GLIS3: variants seen among roughly 807,000 people sequenced by gnomAD.
GLIS3 encodes the protein GLIS family zinc finger 3, also known as zinc finger protein GLIS3.
In GLIS3, 53 loss-of-function variants were observed where a neutral mutation model predicts 78.6. The observed-to-expected ratio is 0.67, with a 90% CI of 0.54 to 0.85. The LOEUF is 0.85. Among genes scored for constraint, GLIS3 ranks in the 40% least tolerant of loss-of-function variants. The pLI is 0.00. For synonymous variants in GLIS3, 684 were observed against 509.9 expected (o/e 1.34, Z -4.60); for missense variants, 1,703 against 1,231.1 (o/e 1.38, Z -5.74).
At chr9:4,230,899 A>G (rs1822197243) in intron 2 of GLIS3, among the ~76,000 whole-genome samples, 1 of 152,156 alleles carries the variant, frequency 6.6e-6, no homozygotes, top group Non-Finnish European at 1.5e-5. Flanking sequence ...ACAGTCATAC[A>G]AAGACTTTAA....
intron 4 of GLIS3, among the ~76,000 whole-genome samples, chr9:4,031,904 A>G (rs1315857056): frequency 6.6e-6 from 1 of 152,170 alleles, no homozygotes; most frequent in Admixed American, 6.5e-5. Flanking sequence ...TTTTCATGCC[A>G]ATATATACAG....
intron 6 of GLIS3, 70 bp downstream of exon 6, chr9:3,932,290 G>C: frequency 8.2e-7 from 1 of 1,214,376 alleles, no homozygotes; most frequent in Admixed American, 1.7e-5. Context: ...GTGCCCTGCA[G>C]AAGCTTCGTG....
Position 3,825,497 on chromosome 9 carries a change from G to A in GLIS3, c.*2775C>T, listed in dbSNP as rs1385366305. The A allele has an allele frequency of 2.0e-5, 3 of 151,808 alleles. No individual in the cohort carries two copies. The highest frequency in any genetic ancestry group is 4.4e-5 in the Non-Finnish European group (3 of 67,970). 9.4% of individuals were successfully genotyped at this position (151,808 alleles called of 1,614,324 possible). On this transcript the variant is annotated 3_prime_UTR_variant, in exon 11 of 11. Transcript: ENST00000381971. ...GTGTTTTCACAAGCACTAGTTTTGT[G>A]TTTTGTTTCTGTTTTTAAGGGGAAT... is the stretch of plus-strand genomic sequence containing the variant.
chr9:4,381,943 C>G, the GLIS3 span, among the ~76,000 whole-genome samples: 1 of 152,212 alleles, frequency 6.6e-6, no homozygotes, highest in Non-Finnish European at 1.5e-5. Context: ...GGAGACCATC[C>G]TTGGCAGTCC....
chr9:3,936,091 T>C (rs1338954994), intron 5 of GLIS3, among the ~76,000 whole-genome samples: 2 of 152,206 alleles, frequency 1.3e-5, no homozygotes, highest in African/African-American at 4.8e-5. Context: ...AACTCTGGTG[T>C]AGTTTAATAA....
intron 4 of GLIS3, among the ~76,000 whole-genome samples, chr9:4,055,302 A>C (rs553109814): frequency 1.8e-4 from 27 of 152,304 alleles, no homozygotes; most frequent in African/African-American, 6.5e-4. Flanking sequence ...ATCTGGCCTC[A>C]GATTACTCTA....
At chr9:4,250,567 C>T (rs559130714) in intron 2 of GLIS3, among the ~76,000 whole-genome samples, 1 of 145,346 alleles carries the variant, frequency 6.9e-6, no homozygotes, top group South Asian at 2.2e-4. Flanking sequence ...AACCTAGCTC[C>T]CGTATTCATT....
At chr9:4,250,605 A>G (rs1038361108) in intron 2 of GLIS3, among the ~76,000 whole-genome samples, 13 of 151,922 alleles carry the variant, frequency 8.6e-5, no homozygotes, top group Admixed American at 2.0e-4. Context: ...CTGTGTCTCT[A>G]TCTCCTTCAG....
intron 4 of GLIS3, among the ~76,000 whole-genome samples, chr9:4,040,560 G>A (rs1198332307): frequency 6.6e-6 from 1 of 152,144 alleles, no homozygotes; most frequent in East Asian, 1.9e-4. Flanking sequence ...ATGCAAGCAA[G>A]TGAAGAAAAA....
chr9:4,105,588 AT>A (rs1830687587), intron 4 of GLIS3, among the ~76,000 whole-genome samples: 1 of 152,192 alleles, frequency 6.6e-6, no homozygotes, highest in Non-Finnish European at 1.5e-5. Flanking sequence ...TTTAAACTAA[AT>A]TGCCCATTGA....
At chr9:4,186,992 T>C (rs1053989421) in intron 2 of GLIS3, among the ~76,000 whole-genome samples, 1 of 152,178 alleles carries the variant, frequency 6.6e-6, no homozygotes, top group Admixed American at 6.5e-5. Context: ...AGAAGCTCTT[T>C]AGTTTAATTA....
At chr9:3,843,439 C>G (rs1055297212) in intron 9 of GLIS3, among the ~76,000 whole-genome samples, 1 of 152,080 alleles carries the variant, frequency 6.6e-6, no homozygotes, top group Non-Finnish European at 1.5e-5. Flanking sequence ...GTATGGAAAC[C>G]TATATAAGTG....
intron 9 of GLIS3, among the ~76,000 whole-genome samples, chr9:3,836,865 T>TTCC (rs1159209753): frequency 2.6e-5 from 4 of 152,188 alleles, no homozygotes; most frequent in Admixed American, 2.0e-4. Context: ...CGTCTTCTTC[T>TTCC]TCCTCTCTGT....
the GLIS3 span, among the ~76,000 whole-genome samples, chr9:4,477,527 C>G: frequency 1.3e-5 from 2 of 152,108 alleles, no homozygotes; most frequent in African/African-American, 2.4e-5. Context: ...TGATCCTCCC[C>G]CCTCGGTCTC....
the GLIS3 span, among the ~76,000 whole-genome samples, chr9:4,368,502 C>G: frequency 6.6e-6 from 1 of 152,142 alleles, no homozygotes; most frequent in Admixed American, 6.5e-5. Context: ...CCACCACCAC[C>G]ACGCCCGGCT....
rs368503668 is a variant in GLIS3, at chr9:4,020,877, T to C, written c.1711-83688A>G. Reference sequence around the variant, plus strand: ...ATGATACTGGTCGTGTATCTCCTGATCACAGCCACAGTAACACTCACCACA... The same window carrying C: ...ATGATACTGGTCGTGTATCTCCTGACCACAGCCACAGTAACACTCACCACA... On this transcript the variant is annotated intron_variant, in intron 4 of 10. Coordinates refer to ENST00000381971, the MANE Select transcript of GLIS3 (RefSeq NM_001042413.2). 4.6e-5 allele frequency among the ~76,000 whole-genome samples: 7 copies of C among 152,306 alleles called. No individual in the cohort carries two copies. In the South Asian group the frequency reaches 1.4e-3, roughly 32 times the overall value.
chr9:4,054,251 T>C (rs769398776), intron 4 of GLIS3: 43 of 785,186 alleles, frequency 5.5e-5, no homozygotes, highest in Non-Finnish European at 6.5e-5. Context: ...GATCTCATCC[T>C]TCACGGTCAC....
intron 9 of GLIS3, among the ~76,000 whole-genome samples, chr9:3,832,732 A>T (rs1412189936): frequency 2.0e-5 from 3 of 152,218 alleles, no homozygotes; most frequent in Non-Finnish European, 4.4e-5. Context: ...TGAGCAAAAT[A>T]GACAATATTT....
chr9:4,195,193 T>C (rs1382033697), intron 2 of GLIS3, among the ~76,000 whole-genome samples: 1 of 152,258 alleles, frequency 6.6e-6, no homozygotes, highest in Non-Finnish European at 1.5e-5. Flanking sequence ...GCGTCTGCTC[T>C]GGCCACGCTT....
Sources: allele counts gnomAD v4.1 joint callset (sites outside exome capture counted in the v4.1 genomes callset), GRCh38; gene constraint gnomAD v4.1.1; transcripts MANE v1.5; gene names NCBI Gene and HGNC (gene_info 2026-07-23, HGNC 2026-07-21).